LYST: variants seen among roughly 807,000 people sequenced by gnomAD.
LYST encodes lysosomal-trafficking regulator.
In LYST, 192 loss-of-function variants were observed where a neutral mutation model predicts 413.6. The ratio of observed to expected loss-of-function variants is 0.46; its 90% CI spans 0.41 to 0.52. The LOEUF is 0.52. Ranked by LOEUF, LYST falls within the 20% of genes least tolerant of loss-of-function variation. The pLI, the probability that LYST is intolerant of heterozygous loss-of-function variation, is 0.00. For missense variants in LYST, 3,815 were observed against 4,499.9 expected (o/e 0.85, Z 4.35); for synonymous variants, 1,525 against 1,567.3 (o/e 0.97, Z 0.64).
chr1:235,751,926 GAAGA>G, intron 27 of LYST, 75 bp downstream of exon 27: 5 of 984,864 alleles, frequency 5.1e-6, no homozygotes, highest in Non-Finnish European at 7.8e-6. Context: ...GAGTTTCTAA[GAAGA>G]AAGAGATTGT....
At chr1:235,767,223 C>T (rs925535186) in intron 20 of LYST, among the ~76,000 whole-genome samples, 4 of 152,222 alleles carry the variant, frequency 2.6e-5, no homozygotes, top group Non-Finnish European at 5.9e-5. Flanking sequence ...TAAAATTCCT[C>T]ATCTTCCCTC....
At chr1:235,680,879 G>A (rs1028108975) in intron 48 of LYST, among the ~76,000 whole-genome samples, 19 of 152,212 alleles carry the variant, frequency 1.2e-4, no homozygotes, top group African/African-American at 3.9e-4. Flanking sequence ...GATTACAGGC[G>A]TGAGCCACCG....
At chr1:235,742,644 A>G (rs1318820829) in intron 30 of LYST, among the ~76,000 whole-genome samples, 2 of 151,698 alleles carry the variant, frequency 1.3e-5, no homozygotes, top group Non-Finnish European at 2.9e-5. Flanking sequence ...CTAAGCCATG[A>G]AAAAATTACC....
Position 235,695,522 on chromosome 1 carries a change from A to C in LYST, c.10564+1561T>G, listed in dbSNP as rs532555546. Reference sequence around the variant, plus strand: ...AGGGTTCATGACTGTAGTGGCACAAATAAGATAGGCTTAGAATATGTTTGA... The same window carrying C: ...AGGGTTCATGACTGTAGTGGCACAACTAAGATAGGCTTAGAATATGTTTGA... On this transcript the variant is annotated intron_variant, in intron 46 of 52. Transcript: ENST00000389793. Among the ~76,000 whole-genome samples, 7 of 152,360 alleles carry C rather than the reference A, an allele frequency of 4.6e-5. 1 individual carries two copies. In the South Asian group the frequency reaches 1.4e-3, roughly 32 times the overall value.
At position 235,712,180 on chromosome 1, in the gene LYST, G is replaced by C. The variant is rs762593540; in HGVS notation, c.9802C>G (p.Pro3268Ala). Reference protein sequence around the residue: ...LAYQDQSFDIPDRTFHSTNTT... With the variant: ...LAYQDQSFDIADRTFHSTNTT... ...TTTGTAGAATGAAAAGTTCTGTCTGGAATGTCAAAACTTTGATCTATAAAA... is the reference window on the plus strand; with the variant it reads ...TTTGTAGAATGAAAAGTTCTGTCTGCAATGTCAAAACTTTGATCTATAAAA... The change falls in exon 43 of 53, where the codon CCA (proline) becomes GCA (alanine). Residue 3268 changes from proline to alanine, a missense_variant. By Grantham distance (27) the Pro-to-Ala change is conservative. Coordinates refer to ENST00000389793, the MANE Select transcript of LYST (RefSeq NM_000081.4). 3.2e-6 allele frequency: 5 copies of C among 1,583,836 alleles called. No homozygotes were observed. The highest frequency in any genetic ancestry group is 4.3e-6 in the Non-Finnish European group (5 of 1,160,864).
chr1:235,691,705 T>TTTTTTTTTTTTTTTTTTTG lies in LYST; in HGVS notation c.10701+1644_10701+1645insCAAAAAAAAAAAAAAAAAA, dbSNP rs1660669302. 1.3e-5 allele frequency among the ~76,000 whole-genome samples: 2 copies of TTTTTTTTTTTTTTTTTTTG among 149,962 alleles called. 1 individual carries two copies. Reference sequence around the variant, plus strand: ...TATAAACATCAGATTCTCTCTTTTTTTTTTTTTTGAGATGGAGTTTTGCTC... The same window carrying TTTTTTTTTTTTTTTTTTTG: ...TATAAACATCAGATTCTCTCTTTTTTTTTTTTTTTTTTTTTTTTGTTTTTTTTGAGATGGAGTTTTGCTC... On this transcript the variant is annotated intron_variant, in intron 47 of 52. Coordinates refer to ENST00000389793, the MANE Select transcript of LYST (RefSeq NM_000081.4).
chr1:235,759,518 G>A lies in LYST; in HGVS notation c.6335C>T (p.Ser2112Phe). ...TTTTTGTGATTGCGTTAGTAGTGAA[G>A]AAGTAGGGAATGCTGGTAGGCTTCT... ...RSRSLPAFPTSSLLTQSQKLT... is the reference protein window; with the variant it reads ...RSRSLPAFPTFSLLTQSQKLT... The change falls in exon 23 of 53, where the codon TCT (serine) becomes TTT (phenylalanine). Residue 2112 changes from serine to phenylalanine, a missense_variant. This residue lies in a region of LYST where 530 missense variants were observed against 696.5 expected (regional missense o/e 0.76). Transcript: ENST00000389793. 1 of 1,613,954 alleles carries A rather than the reference G, an allele frequency of 6.2e-7. No individual in the cohort carries two copies.
intron 6 of LYST, among the ~76,000 whole-genome samples, chr1:235,805,410 G>T (rs960761339): frequency 1.3e-5 from 2 of 152,008 alleles, no homozygotes; most frequent in Non-Finnish European, 2.9e-5. Context: ...GTGCTGATGC[G>T]CAGATGGTGA....
At chr1:235,722,363 G>T (rs991528201) in intron 39 of LYST, among the ~76,000 whole-genome samples, 39 of 152,210 alleles carry the variant, frequency 2.6e-4, no homozygotes, top group Non-Finnish European at 1.0e-4. Flanking sequence ...TAATCTGAAG[G>T]GGGGCTAAGG....
chr1:235,663,686 T>C (rs1658206129), intron 52 of LYST, among the ~76,000 whole-genome samples: 1 of 152,172 alleles, frequency 6.6e-6, no homozygotes, highest in Non-Finnish European at 1.5e-5. Flanking sequence ...TCAATCACCA[T>C]TATGGTCTTG....
Position 235,805,931 on chromosome 1 carries a change from G to A in LYST, c.3205C>T (p.His1069Tyr), listed in dbSNP as rs367847122. 21 of 1,613,614 alleles carry A rather than the reference G, an allele frequency of 1.3e-5. No homozygotes were observed. In the African/African-American group the frequency reaches 2.8e-4, roughly 22 times the overall value. ...TCTTCCACATTTATGGAAGAAATAT[G>A]CTGTAACTCTAATTTACCTAAACTG... The part of the protein sequence containing the change: ...ADSLGKLELQ[H>Y]ISSINVEEVS... Residue 1069 changes from histidine to tyrosine, a missense_variant, in exon 6 of 53, where the codon CAT (histidine) becomes TAT (tyrosine). Around this residue, in one of 4 missense-constraint regions of LYST, gnomAD observed 1,648 missense variants for 1,810.3 expected, o/e 0.91. Coordinates refer to ENST00000389793, the MANE Select transcript of LYST (RefSeq NM_000081.4).
intron 52 of LYST, 38 bp downstream of exon 52, chr1:235,663,946 A>T (rs767666760): frequency 6.1e-6 from 9 of 1,473,892 alleles, no homozygotes; most frequent in Middle Eastern, 1.7e-4. Flanking sequence ...ACAATCACAA[A>T]TTGTATTCTG....
At chr1:235,743,917 C>A in intron 30 of LYST, 62 bp downstream of exon 30, 2 of 935,584 alleles carry the variant, frequency 2.1e-6, no homozygotes, top group Non-Finnish European at 3.5e-6. Flanking sequence ...ATAATACAGT[C>A]AACATAAAAC....
At chr1:235,677,456 T>C in intron 49 of LYST, 24 bp downstream of exon 49, 1 of 1,612,324 alleles carries the variant, frequency 6.2e-7, no homozygotes, top group South Asian at 1.1e-5. Context: ...ATGCTATGTT[T>C]GATTTGGAGA....
Position 235,708,754 on chromosome 1 carries a change from G to T in LYST, c.10143+337C>A, listed in dbSNP as rs573310180. Among the ~76,000 whole-genome samples the T allele has an allele frequency of 2.6e-5, 4 of 152,208 alleles. No homozygotes were observed. The South Asian group carries it at 8.3e-4, about 32-fold the overall frequency. ...ACCAGGGGTAGATTCTTGGATGTTT[G>T]TGCCTGCTTTCTCCCAGACTTTGCC... On this transcript the variant is annotated intron_variant, in intron 44 of 52. Coordinates refer to ENST00000389793, the MANE Select transcript of LYST (RefSeq NM_000081.4).
intron 1 of LYST, among the ~76,000 whole-genome samples, chr1:235,836,592 T>TA (rs1288294234): frequency 1.3e-5 from 2 of 151,652 alleles, no homozygotes; most frequent in African/African-American, 4.8e-5. Flanking sequence ...GGACAAGAGG[T>TA]AAAAAATAAT....
At chr1:235,768,472 C>T (rs1433378652) in intron 20 of LYST, among the ~76,000 whole-genome samples, 1 of 152,066 alleles carries the variant, frequency 6.6e-6, no homozygotes, top group East Asian at 1.9e-4. Flanking sequence ...TCTGAGGTAA[C>T]TTAAAGGCAA....
chr1:235,793,686 G>C, intron 10 of LYST, 74 bp from the exon 11 acceptor site: 1 of 791,626 alleles, frequency 1.3e-6, no homozygotes, highest in Admixed American at 1.9e-5. Flanking sequence ...TTCACCAAAA[G>C]AGGTAAAATA....
chr1:235,870,029 T>C (rs4659613), upstream of LYST, among the ~76,000 whole-genome samples: 125,050 of 152,058 alleles, frequency 0.82, 51,933 homozygotes, highest in African/African-American at 0.95. Context: ...GGTCTACCCT[T>C]AATACTGCCC....
Sources: allele counts gnomAD v4.1 joint callset (sites outside exome capture counted in the v4.1 genomes callset), GRCh38; gene constraint gnomAD v4.1.1; regional missense constraint gnomAD v4.1.1; transcripts MANE v1.5; gene names NCBI Gene and HGNC (gene_info 2026-07-23, HGNC 2026-07-21).